INPP4B: variants seen among roughly 807,000 people sequenced by gnomAD.
INPP4B encodes the protein inositol polyphosphate-4-phosphatase type II B.
A neutral mutation model predicts 122.5 loss-of-function variants in INPP4B; 55 were observed. The observed-to-expected ratio is 0.45, with a 90% confidence interval of 0.36 to 0.56. The LOEUF (loss-of-function observed/expected upper bound fraction) is 0.56, where lower values mean the gene tolerates loss of function less well. Ranked by LOEUF, INPP4B falls within the 20% of genes least tolerant of loss-of-function variation. The probability of loss-of-function intolerance (pLI) is 0.00; values close to 1 mark genes in which losing one functional copy is unlikely to be tolerated. For synonymous variants in INPP4B, 403 were observed against 388.7 expected, an observed-to-expected ratio of 1.04 and a Z score of -0.43; for missense variants, 1,000 against 1,097.7, an observed-to-expected ratio of 0.91 and a Z score of 1.26.
intron 2 of INPP4B, among the ~76,000 whole-genome samples, chr4:142,651,238 T>A (rs1179034676): frequency 6.6e-6 from 1 of 152,190 alleles, no homozygotes; most frequent in African/African-American, 2.4e-5. Flanking sequence ...GAGGAAAATT[T>A]ATAGCACTAA....
At chr4:142,212,825 C>CAA (rs1845476387) in intron 12 of INPP4B, among the ~76,000 whole-genome samples, 2 of 152,100 alleles carry the variant, frequency 1.3e-5, no homozygotes, top group African/African-American at 4.8e-5. Context: ...AAGGGCCTAC[C>CAA]CTTAGTCCCA....
intron 25 of INPP4B, among the ~76,000 whole-genome samples, chr4:142,075,811 C>A (rs1451943980): frequency 6.6e-6 from 1 of 151,838 alleles, no homozygotes; most frequent in African/African-American, 2.4e-5. Context: ...GAAACTGAGG[C>A]CTTGAGATTA....
intron 2 of INPP4B, among the ~76,000 whole-genome samples, chr4:142,616,014 T>A (rs1489159434): frequency 1.3e-5 from 2 of 152,090 alleles, no homozygotes; most frequent in Admixed American, 1.3e-4. Flanking sequence ...AATAATCTCT[T>A]TATATGGGAG....
chr4:142,245,425 T>G (rs944781173), intron 11 of INPP4B, among the ~76,000 whole-genome samples: 1 of 152,216 alleles, frequency 6.6e-6, no homozygotes, highest in African/African-American at 2.4e-5. Flanking sequence ...GTTTCAGTTT[T>G]CTACATACGG....
intron 7 of INPP4B, among the ~76,000 whole-genome samples, chr4:142,371,847 C>T (rs1199657694): frequency 6.7e-6 from 1 of 150,090 alleles, no homozygotes; most frequent in Non-Finnish European, 1.5e-5. Context: ...TAAATTAGTA[C>T]AGCCATTATG....
intron 8 of INPP4B, among the ~76,000 whole-genome samples, chr4:142,306,501 A>G (rs531065539): frequency 6.6e-6 from 1 of 152,320 alleles, no homozygotes; most frequent in Non-Finnish European, 1.5e-5. Flanking sequence ...CTGCTGAGCT[A>G]CACTAGAATG....
At chr4:142,035,602 A>T (rs1403718331) in intron 25 of INPP4B, among the ~76,000 whole-genome samples, 2 of 152,260 alleles carry the variant, frequency 1.3e-5, no homozygotes, top group East Asian at 3.9e-4. Context: ...GCTTGATCTT[A>T]CCAGCAGCAA....
chr4:142,260,617 G>T, intron 10 of INPP4B, 53 bp from the exon 11 acceptor site: 1 of 1,178,826 alleles, frequency 8.5e-7, no homozygotes, highest in Non-Finnish European at 1.2e-6. Context: ...TCAAAATAAG[G>T]AATGATATTA....
intron 2 of INPP4B, among the ~76,000 whole-genome samples, chr4:142,612,464 A>T (rs1350652510): frequency 6.6e-6 from 1 of 152,204 alleles, no homozygotes; most frequent in Non-Finnish European, 1.5e-5. Flanking sequence ...TAAGTAGTTT[A>T]AAAACAACAG....
At chr4:142,495,241 T>C (rs553334172) in intron 2 of INPP4B, among the ~76,000 whole-genome samples, 1 of 152,058 alleles carries the variant, frequency 6.6e-6, no homozygotes, top group African/African-American at 2.4e-5. Flanking sequence ...CCCAGAAAAA[T>C]TAATAAATAG....
In INPP4B at chr4:142,723,058, G is replaced by T. The variant is rs966500387; in HGVS notation, c.-191+2781C>A. Among the ~76,000 whole-genome samples, 7 of 151,932 alleles carry T rather than the reference G, an allele frequency of 4.6e-5. No individual in the cohort carries two copies. The East Asian group carries it at 1.3e-3, about 29-fold the overall frequency. On this transcript the variant is annotated intron_variant, in intron 2 of 25. Transcript: ENST00000262992. ...AAATAAACCAAAATAAAACCAATCT[G>T]TAAACAATATATTTACAACTTATTT...
intron 2 of INPP4B, among the ~76,000 whole-genome samples, chr4:142,605,856 A>G (rs1208954420): frequency 1.3e-5 from 2 of 151,926 alleles, no homozygotes; most frequent in East Asian, 3.9e-4. Flanking sequence ...TCTCAAAAAA[A>G]CAAAAAAATA....
chr4:142,090,293 A>ATT (rs5862572), intron 23 of INPP4B, among the ~76,000 whole-genome samples: 13,567 of 149,774 alleles, frequency 0.091, 737 homozygotes, highest in East Asian at 0.24. Context: ...AGTAATTTTG[A>ATT]TTTTTTTTTT....
chr4:142,725,294 CAA>C (rs1765200019), intron 2 of INPP4B, among the ~76,000 whole-genome samples: 1 of 152,090 alleles, frequency 6.6e-6, no homozygotes. Context: ...CGCTATTCAA[CAA>C]CTGCATGATA....
intron 1 of INPP4B, among the ~76,000 whole-genome samples, chr4:142,793,064 AG>A (rs1199600017): frequency 6.6e-6 from 1 of 152,014 alleles, no homozygotes; most frequent in Non-Finnish European, 1.5e-5. Context: ...TCTGAAGTAA[AG>A]AGCAAATGAC....
intron 2 of INPP4B, among the ~76,000 whole-genome samples, chr4:142,506,225 AAG>A (rs1824009312): frequency 6.6e-6 from 1 of 152,126 alleles, no homozygotes; most frequent in South Asian, 2.1e-4. Flanking sequence ...CCATTGCCAT[AAG>A]AGTCTTGGCA....
At chr4:142,634,759 A>G (rs937521049) in intron 2 of INPP4B, among the ~76,000 whole-genome samples, 2 of 152,146 alleles carry the variant, frequency 1.3e-5, no homozygotes, top group Non-Finnish European at 1.5e-5. Flanking sequence ...GGAAATTTTT[A>G]AAAATACAAC....
chr4:142,285,532 C>G (rs1317702750), intron 9 of INPP4B, among the ~76,000 whole-genome samples: 1 of 56,964 alleles, frequency 1.8e-5, no homozygotes, highest in Non-Finnish European at 2.8e-5. Flanking sequence ...CCATGAGGCT[C>G]AATCCAGAAG....
At chr4:142,651,570 C>A (rs1752967301) in intron 2 of INPP4B, among the ~76,000 whole-genome samples, 1 of 152,140 alleles carries the variant, frequency 6.6e-6, no homozygotes, top group Non-Finnish European at 1.5e-5. Flanking sequence ...ATACAAACTA[C>A]CATCAGAGAA....
Sources: gnomAD v4.1 joint callset for allele counts (sites outside exome capture counted in the v4.1 genomes callset) on GRCh38, gnomAD v4.1.1 for gene constraint, MANE v1.5 for transcripts, NCBI Gene and HGNC (gene_info 2026-07-23, HGNC 2026-07-21) for gene names.